The following WBP2NL variants were observed in gnomAD, a reference collection of about 807,000 sequenced individuals.
WBP2NL encodes the protein WBP2 N-terminal like.
Under a neutral mutation model 23.3 loss-of-function variants are expected in WBP2NL, and 27 were observed. That is an observed-to-expected ratio of 1.16 (90% confidence interval 0.85 to 1.60). WBP2NL has a LOEUF of 1.60. Ranked by LOEUF, WBP2NL falls within the 40% of genes most tolerant of loss-of-function variation. WBP2NL has a pLI of 0.00. For synonymous variants in WBP2NL, 151 were observed against 145.9 expected, an observed-to-expected ratio of 1.03 and a Z score of -0.25; for missense variants, 370 against 389.5, an observed-to-expected ratio of 0.95 and a Z score of 0.42.
intron 1 of WBP2NL, among the ~76,000 whole-genome samples, chr22:42,004,771 A>C (rs554717589): frequency 4.5e-4 from 69 of 152,136 alleles, no homozygotes; most frequent in African/African-American, 1.6e-3. Context: ...TAAAAATACA[A>C]AAAATTAGCT....
At position 42,027,333 on chromosome 22, in the gene WBP2NL, AAACTTTACTT is replaced by A; in HGVS notation, c.*153_*162del. 1.0e-6 allele frequency: 1 copy of A among 967,298 alleles called. No individual in the cohort carries two copies. The highest frequency in any genetic ancestry group is 1.6e-5 in the African/African-American group (1 of 60,810). 59.9% of individuals were successfully genotyped at this position (967,298 alleles called of 1,614,324 possible). On this transcript the variant is annotated 3_prime_UTR_variant, in exon 6 of 6. Transcript: ENST00000328823. ...AAGGGCAATCTTATGGGGGAAGGTG[AAACTTTACTT>A]CTGTGCCTAGATTTTAGAAGCAGAA...
At chr22:42,046,070 T>C (rs1450182550) in intron 8 of WBP2NL, among the ~76,000 whole-genome samples, 1 of 152,244 alleles carries the variant, frequency 6.6e-6, no homozygotes, top group Non-Finnish European at 1.5e-5. Context: ...TCTGGCCATT[T>C]GGTAGGATTT....
downstream of WBP2NL, among the ~76,000 whole-genome samples, chr22:42,035,482 T>A (rs1335669937): frequency 6.6e-6 from 1 of 152,270 alleles, no homozygotes; most frequent in Non-Finnish European, 1.5e-5. Context: ...GGTCTCGCGC[T>A]TGTCCCTGGC....
At chr22:42,013,108 T>TA (rs1441519931) in intron 1 of WBP2NL, among the ~76,000 whole-genome samples, 1 of 151,168 alleles carries the variant, frequency 6.6e-6, no homozygotes, top group Non-Finnish European at 1.5e-5. Flanking sequence ...CGTGGTGGCT[T>TA]ATGCCTGTAA....
intron 1 of WBP2NL, among the ~76,000 whole-genome samples, chr22:42,008,308 A>G (rs1275219650): frequency 6.7e-6 from 1 of 150,166 alleles, no homozygotes; most frequent in Non-Finnish European, 1.5e-5. Context: ...TCCGGGGTTC[A>G]AGTGATTCAC....
At chr22:42,023,636 C>T (rs1255119607) in intron 5 of WBP2NL, among the ~76,000 whole-genome samples, 1 of 152,044 alleles carries the variant, frequency 6.6e-6, no homozygotes, top group East Asian at 1.9e-4. Flanking sequence ...GGACTACCGG[C>T]GCCCGCCACC....
At chr22:42,037,278 G>T (rs1432152519), downstream of WBP2NL, among the ~76,000 whole-genome samples, 3 of 151,802 alleles carry the variant, frequency 2.0e-5, no homozygotes, top group African/African-American at 7.3e-5. Context: ...TTTATTTCTG[G>T]GTTCTCTGTT....
chr22:42,016,321 TC>T (rs34891893), intron 1 of WBP2NL, among the ~76,000 whole-genome samples: 33 of 152,158 alleles, frequency 2.2e-4, no homozygotes, highest in South Asian at 1.0e-3. Flanking sequence ...GCCTCATCAG[TC>T]CCGGGAAAAT....
chr22:42,033,639 T>C (rs892883681), downstream of WBP2NL, among the ~76,000 whole-genome samples: 1 of 152,054 alleles, frequency 6.6e-6, no homozygotes, highest in African/African-American at 2.4e-5. Context: ...CAGGCAGGTC[T>C]TCCTGTCATC....
intron 8 of WBP2NL, among the ~76,000 whole-genome samples, chr22:42,055,262 C>G (rs187990379): frequency 6.6e-6 from 1 of 152,148 alleles, no homozygotes; most frequent in Non-Finnish European, 1.5e-5. Context: ...CTACAACCTC[C>G]GCCTCAGGGT....
chr22:42,019,615 A>G lies in WBP2NL; in HGVS notation c.172-47A>G, dbSNP rs367974503. On this transcript the variant is annotated intron_variant, in intron 2 of 5. Coordinates refer to ENST00000328823, the MANE Select transcript of WBP2NL (RefSeq NM_152613.3). ...ACCTTGCTCTTGTAAGTCTCAATCC[A>G]TGGACAAATTCTGCATTCCTTTTCC... is the stretch of plus-strand genomic sequence containing the variant. The G allele has an allele frequency of 1.4e-4, 229 of 1,610,768 alleles. 1 individual carries two copies. Among genetic ancestry groups the G allele is most frequent in the Non-Finnish European group, 1.8e-4 (214 of 1,178,632 alleles).
Position 42,027,093 on chromosome 22 carries a change from G to C in WBP2NL, c.842G>C (p.Gly281Ala). Reference sequence around the variant, plus strand: ...TACAGAGCCTCACCTGCTGGATCAGGAGCCAGGCCTCAGGAATCTACAGCA... The same window carrying C: ...TACAGAGCCTCACCTGCTGGATCAGCAGCCAGGCCTCAGGAATCTACAGCA... ...AGYRASPAGSGARPQESTAAQ... is the reference protein window; with the variant it reads ...AGYRASPAGSAARPQESTAAQ... Residue 281 changes from glycine (G) to alanine (A), a missense_variant, in exon 6 of 6, where the codon GGA becomes GCA. By Grantham distance (60) the Gly-to-Ala change is moderately conservative. Coordinates refer to ENST00000328823, the MANE Select transcript of WBP2NL (RefSeq NM_152613.3). 5.0e-6 allele frequency: 8 copies of C among 1,614,258 alleles called. No individual in the cohort carries two copies. The highest frequency in any genetic ancestry group is 2.2e-5 in the South Asian group (2 of 91,084).
rs201997617 is a variant in WBP2NL at position 41,998,790 on chromosome 22, C to G, written c.-29C>G. On this transcript the variant is annotated 5_prime_UTR_variant, in exon 1 of 6. It adds an upstream start codon to the 5' untranslated region. Transcript: ENST00000328823. ...CGGCGCAGGTCCCGCCCCTTTCCAT[C>G]TACGGGGCGGCAGGAGGCCCGAAGC... 1,002 of 1,602,802 alleles carry G rather than the reference C, an allele frequency of 6.3e-4. 2 individuals are homozygous for G. Among genetic ancestry groups the G allele is most frequent in the Middle Eastern group, 3.7e-3 (22 of 5,932 alleles).
intron 1 of WBP2NL, among the ~76,000 whole-genome samples, chr22:42,000,030 C>T (rs538121078): frequency 3.2e-4 from 49 of 152,264 alleles, no homozygotes; most frequent in African/African-American, 1.1e-3. Flanking sequence ...CAGTCTCCCC[C>T]GCTGTGCAGT....
Position 42,028,030 on chromosome 22 carries a change from T to A in WBP2NL, c.*849T>A, listed in dbSNP as rs1924663648. On this transcript the variant is annotated 3_prime_UTR_variant, in exon 6 of 6. Coordinates refer to ENST00000328823, the MANE Select transcript of WBP2NL (RefSeq NM_152613.3). Reference sequence around the variant, plus strand: ...AATATTAAAACTCTTGATATGGCACTTTCACATTTTAAAATATGCCTGCGA... The same window carrying A: ...AATATTAAAACTCTTGATATGGCACATTCACATTTTAAAATATGCCTGCGA... The A allele has an allele frequency of 1.0e-5, 4 of 398,558 alleles. No individual in the cohort carries two copies. The highest frequency in any genetic ancestry group is 1.8e-5 in the Non-Finnish European group (4 of 226,036). 24.7% of individuals were successfully genotyped at this position (398,558 alleles called of 1,614,324 possible).
intron 8 of WBP2NL, among the ~76,000 whole-genome samples, chr22:42,048,106 A>G (rs1925669387): frequency 6.6e-6 from 1 of 152,090 alleles, no homozygotes; most frequent in Non-Finnish European, 1.5e-5. Context: ...AATTAATATA[A>G]TCCATCACAT....
chr22:42,053,935 C>A (rs945676057), intron 8 of WBP2NL, among the ~76,000 whole-genome samples: 4 of 152,012 alleles, frequency 2.6e-5, no homozygotes, highest in Non-Finnish European at 5.9e-5. Flanking sequence ...TCCCATCCTG[C>A]GAGTTGTCTT....
intron 1 of WBP2NL, among the ~76,000 whole-genome samples, chr22:42,012,075 T>A (rs133328): frequency 6.6e-6 from 1 of 152,056 alleles, no homozygotes; most frequent in Non-Finnish European, 1.5e-5. Flanking sequence ...CATGCCTGGC[T>A]GGCATCAGTT....
At chr22:42,050,651 G>A (rs1413335148) in intron 8 of WBP2NL, among the ~76,000 whole-genome samples, 3 of 135,774 alleles carry the variant, frequency 2.2e-5, no homozygotes, top group Non-Finnish European at 5.0e-5. Context: ...CCATTCCCCC[G>A]TCCCCTCCCA....
Sources: gnomAD v4.1 joint callset for allele counts (sites outside exome capture counted in the v4.1 genomes callset) on GRCh38, gnomAD v4.1.1 for gene constraint, MANE v1.5 for transcripts, NCBI Gene and HGNC (gene_info 2026-07-23, HGNC 2026-07-21) for gene names.